The following MDN1 variants were observed in gnomAD, a reference collection of about 807,000 sequenced individuals.
The protein encoded by MDN1 is midasin AAA ATPase 1.
A neutral mutation model predicts 669.2 loss-of-function variants in MDN1; 266 were observed. The ratio of observed to expected loss-of-function variants is 0.40; its 90% CI spans 0.36 to 0.44. The LOEUF (loss-of-function observed/expected upper bound fraction) is 0.44, where lower values mean the gene tolerates loss of function less well. Ranked by LOEUF, MDN1 falls within the 20% of genes least tolerant of loss-of-function variation. The pLI is 1.00. For missense variants in MDN1, 5,940 were observed against 6,754.0 expected (o/e 0.88, Z 4.22); for synonymous variants, 2,385 against 2,457.1 (o/e 0.97, Z 0.87).
Position 89,793,772 on chromosome 6 carries a change from G to A in MDN1, c.845C>T (p.Pro282Leu), listed in dbSNP as rs1210097796. The A allele has an allele frequency of 1.2e-6, 2 of 1,613,698 alleles. No individual in the cohort carries two copies. The highest frequency in any genetic ancestry group is 2.2e-5 in the South Asian group (2 of 91,020). ...GVVLPGQLPA[P>L]GELGGNRSSS... ...CTGATACCAACATACCAGCTCTCCAGGGGCTGGCAGCTGCCCAGGCAGCAC... is the reference window on the plus strand; with the variant it reads ...CTGATACCAACATACCAGCTCTCCAAGGGCTGGCAGCTGCCCAGGCAGCAC... Residue 282 changes from proline (P) to leucine (L), a missense_variant, in exon 5 of 102, where the codon CCT becomes CTT. By Grantham distance (98) the Pro-to-Leu change is moderately conservative (BLOSUM62 -3). Around this residue, in one of 5 missense-constraint regions of MDN1, gnomAD observed 1,203 missense variants for 1,268.9 expected, o/e 0.95. Transcript: ENST00000369393.
intron 21 of MDN1, 126 bp downstream of exon 21, chr6:89,753,957 A>T: frequency 1.2e-6 from 1 of 830,200 alleles, no homozygotes; most frequent in Non-Finnish European, 1.7e-6. Flanking sequence ...AAATCTGGTA[A>T]GAGGTATTAT....
intron 26 of MDN1, among the ~76,000 whole-genome samples, chr6:89,747,759 C>T (rs535289514): frequency 3.3e-5 from 5 of 150,422 alleles, no homozygotes; most frequent in East Asian, 2.0e-4. Context: ...GGCGTGGTGG[C>T]GGGTGCCTGT....
rs1457302877 is a variant in MDN1, at chr6:89,734,643, G to A, written c.4724-1868C>T. On this transcript the variant is annotated intron_variant, in intron 33 of 101. Coordinates refer to ENST00000369393, the MANE Select transcript of MDN1 (RefSeq NM_014611.3). Reference sequence around the variant, plus strand: ...CCACTGTACTCCAGCCTGGATGACAGAGCCAGACATTGTCTCAAAGGAAGA... The same window carrying A: ...CCACTGTACTCCAGCCTGGATGACAAAGCCAGACATTGTCTCAAAGGAAGA... Among the ~76,000 whole-genome samples, 9 of 130,560 alleles carry A rather than the reference G, an allele frequency of 6.9e-5. No individual in the cohort carries two copies. The Admixed American group carries it at 8.3e-4, about 12-fold the overall frequency. The allele number at this position is 130,560 out of a possible 152,430, so 85.7% of individuals were successfully genotyped here.
chr6:89,658,057 G>A, intron 90 of MDN1, 152 bp downstream of exon 90: 1 of 878,600 alleles, frequency 1.1e-6, no homozygotes. Context: ...GTTGCTTAAA[G>A]AATGAGATGT....
intron 1 of MDN1, among the ~76,000 whole-genome samples, chr6:89,816,558 C>CT (rs1768848730): frequency 1.3e-5 from 2 of 151,836 alleles, no homozygotes; most frequent in South Asian, 4.1e-4. Flanking sequence ...GATCCTATCT[C>CT]TTTAAAAAAT....
rs1405855394 is a variant in MDN1 at position 89,727,916 on chromosome 6, C to G, written c.5389G>C (p.Gly1797Arg). The change falls in exon 37 of 102, where the codon GGT becomes CGT. Residue 1797 changes from glycine to arginine, a missense_variant. Coordinates refer to ENST00000369393, the MANE Select transcript of MDN1 (RefSeq NM_014611.3). ...DLFGADLPVE[G>R]GKGGEFAWRD... ...CAGGCAAACTCTCCTCCCTTGCCAC[C>G]TTCAACAGGTAGATCTGCTCCAAAC... is the stretch of plus-strand genomic sequence containing the variant. 3 of 1,614,012 alleles carry G rather than the reference C, an allele frequency of 1.9e-6. No homozygotes were observed. Among genetic ancestry groups the G allele is most frequent in the Non-Finnish European group, 8.5e-7 (1 of 1,179,936 alleles).
intron 7 of MDN1, among the ~76,000 whole-genome samples, chr6:89,788,770 G>A (rs1455060314): frequency 6.6e-6 from 1 of 152,182 alleles, no homozygotes; most frequent in Admixed American, 6.6e-5. Context: ...AGGTAACAAA[G>A]GCAAGAGAGA....
chr6:89,793,723 AG>A, intron 5 of MDN1, 38 bp downstream of exon 5: 1 of 1,546,078 alleles, frequency 6.5e-7, no homozygotes, highest in Non-Finnish European at 8.8e-7. Context: ...AGTGTTTAGT[AG>A]GGGGAAGGGG....
chr6:89,818,938 G>C (rs1461769824), intron 1 of MDN1, among the ~76,000 whole-genome samples: 2 of 152,176 alleles, frequency 1.3e-5, no homozygotes, highest in Non-Finnish European at 1.5e-5. Flanking sequence ...CAGTGAGTAT[G>C]AGCTGTCTTG....
chr6:89,758,446 C>T, intron 18 of MDN1, 95 bp from the exon 19 acceptor site: 1 of 990,134 alleles, frequency 1.0e-6, no homozygotes, highest in East Asian at 2.6e-5. Context: ...CTGCTCACAC[C>T]ATCCTTGTCT....
rs117455180 is a variant in MDN1 at position 89,721,411 on chromosome 6, T to C, written c.5967+1544A>G. On this transcript the variant is annotated intron_variant, in intron 40 of 101. Transcript: ENST00000369393. ...ACGGTTCTGCTCCTGGTAACGTTTTTATCCGTGGATGGCTTGCTTGGGTAA... is the reference window on the plus strand; with the variant it reads ...ACGGTTCTGCTCCTGGTAACGTTTTCATCCGTGGATGGCTTGCTTGGGTAA... Among the ~76,000 whole-genome samples, 7 of 152,350 alleles carry C rather than the reference T, an allele frequency of 4.6e-5. No homozygotes were observed. The East Asian group carries it at 1.2e-3, about 25-fold the overall frequency.
rs1818171101 is a variant in MDN1 at position 89,772,824 on chromosome 6, C to T, written c.1935-103G>A. On this transcript the variant is annotated intron_variant, in intron 13 of 101. Coordinates refer to ENST00000369393, the MANE Select transcript of MDN1 (RefSeq NM_014611.3). ...AGATTCAACAACAAGGATGAGAAAACAGCTCACAGTAACTGTCTTCAAGCT... is the reference window on the plus strand; with the variant it reads ...AGATTCAACAACAAGGATGAGAAAATAGCTCACAGTAACTGTCTTCAAGCT... 7.8e-6 allele frequency: 10 copies of T among 1,275,942 alleles called. No homozygotes were observed. The Admixed American group carries it at 9.2e-5, about 12-fold the overall frequency. The allele number at this position is 1,275,942 out of a possible 1,614,324, so 79.0% of individuals were successfully genotyped here. A position where few individuals can be genotyped will look rare whatever the true frequency, so the allele number is the denominator to read the frequency against.
At chr6:89,763,994 C>G (rs994492926) in intron 15 of MDN1, among the ~76,000 whole-genome samples, 2 of 152,132 alleles carry the variant, frequency 1.3e-5, no homozygotes, top group African/African-American at 4.8e-5. Flanking sequence ...GCGGGAGGAT[C>G]CCCTGAAGCC....
intron 72 of MDN1, 67 bp downstream of exon 72, chr6:89,683,764 G>T: frequency 1.7e-6 from 2 of 1,201,316 alleles, no homozygotes; most frequent in East Asian, 2.3e-5. Flanking sequence ...TAACTATGTC[G>T]TTTTGCTCCC....
chr6:89,644,070 G>T lies in MDN1; in HGVS notation c.16726C>A (p.Pro5576Thr). ...CTGAGGGCATCGCTGAGTGTCTCAG[G>T]AAGTGCGTTTACATCTCGAAGAATG... ...YIILRDVNAL[P>T]ETLSDALRQW... The change falls in exon 102 of 102, where the codon CCT becomes ACT. Residue 5576 changes from proline to threonine, a missense_variant. By Grantham distance (38) the Pro-to-Thr change is conservative. This residue lies in a region of MDN1 where 2,280 missense variants were observed against 2,576.3 expected (regional missense o/e 0.88). Coordinates refer to ENST00000369393, the MANE Select transcript of MDN1 (RefSeq NM_014611.3). 1.2e-6 allele frequency: 2 copies of T among 1,614,146 alleles called. No homozygotes were observed. The highest frequency in any genetic ancestry group is 1.7e-6 in the Non-Finnish European group (2 of 1,180,026).
In MDN1 at chr6:89,695,750, T is replaced by C. The variant is rs145195820; in HGVS notation, c.9626A>G (p.Glu3209Gly). The C allele has an allele frequency of 4.3e-6, 7 of 1,613,452 alleles. No individual in the cohort carries two copies. The highest frequency in any genetic ancestry group is 5.9e-6 in the Non-Finnish European group (7 of 1,179,966). The change falls in exon 61 of 102, where the codon GAG becomes GGG. Residue 3209 changes from glutamate (E) to glycine (G), a missense_variant. Physicochemically the swap from Glu to Gly is moderately conservative, Grantham distance 98. Transcript: ENST00000369393. This position sits in a 1 kb window ranked among gnomAD's most constrained non-coding sequence, Gnocchi z 4.1. ...TGGCTCAGGCAGGCTCCTCTTACTC[T>C]CCCCTTCACCAACAAAGTGGTGCAG... ...TSLHHFVGEG[E>G]SKRSLPEPAQ...
intron 7 of MDN1, 127 bp downstream of exon 7, chr6:89,789,653 C>A: frequency 9.1e-7 from 1 of 1,102,986 alleles, no homozygotes. Flanking sequence ...CCATGAAGTA[C>A]CTGCAACATA....
At chr6:89,673,906 G>A (rs1001690058) in intron 79 of MDN1, among the ~76,000 whole-genome samples, 198 bp downstream of exon 79, 32 of 152,012 alleles carry the variant, frequency 2.1e-4, no homozygotes, top group African/African-American at 7.7e-4. Flanking sequence ...CGCTGTTTCC[G>A]CTGAAGTCTC....
intron 7 of MDN1, 86 bp from the exon 8 acceptor site, chr6:89,788,043 A>G: frequency 8.6e-7 from 1 of 1,157,550 alleles, no homozygotes; most frequent in Non-Finnish European, 1.2e-6. Flanking sequence ...TCTCAAAATG[A>G]CAGACACACC....
Sources: allele counts gnomAD v4.1 joint callset (sites outside exome capture counted in the v4.1 genomes callset), GRCh38; gene constraint gnomAD v4.1.1; regional missense constraint gnomAD v4.1.1; non-coding constraint Gnocchi (gnomAD v3.1); transcripts MANE v1.5; gene names NCBI Gene and HGNC (gene_info 2026-07-23, HGNC 2026-07-21).